CRACD: variants seen among roughly 807,000 people sequenced by gnomAD.
CRACD encodes capping protein inhibiting regulator of actin dynamics.
CRACD carries 56 observed loss-of-function variants against 106.8 expected under a neutral mutation model. The observed-to-expected ratio is 0.52, with a 90% CI of 0.42 to 0.66. CRACD has a LOEUF of 0.66. CRACD is among the 30% of genes least tolerant of loss of function. The pLI is 0.00. For synonymous variants in CRACD, 754 were observed against 670.8 expected, an observed-to-expected ratio of 1.12 and a Z score of -1.92; for missense variants, 1,730 against 1,623.2, an observed-to-expected ratio of 1.07 and a Z score of -1.13.
intron 2 of CRACD, among the ~76,000 whole-genome samples, chr4:56,234,648 A>G (rs933379129): frequency 6.6e-6 from 1 of 152,220 alleles, no homozygotes; most frequent in African/African-American, 2.4e-5. Flanking sequence ...ATGATTAAAG[A>G]GTCAACCAAG....
intron 5 of CRACD, chr4:56,308,751 A>T: frequency 1.0e-6 from 1 of 985,376 alleles, no homozygotes; most frequent in Non-Finnish European, 1.2e-6. Flanking sequence ...GGATGGGCCC[A>T]TCTCTCCCGG....
intron 2 of CRACD, among the ~76,000 whole-genome samples, chr4:56,207,965 A>G (rs1440873293): frequency 2.7e-5 from 4 of 150,384 alleles, no homozygotes; most frequent in African/African-American, 7.3e-5. Context: ...GGGACTGCAG[A>G]CACACCATGC....
intron 1 of CRACD, among the ~76,000 whole-genome samples, chr4:56,147,019 C>G (rs1735410816): frequency 6.6e-6 from 1 of 152,166 alleles, no homozygotes. Context: ...GTGGGCACGT[C>G]TTGTTCCAAT....
chr4:56,191,439 G>A (rs948204638), intron 2 of CRACD, among the ~76,000 whole-genome samples: 5 of 147,484 alleles, frequency 3.4e-5, no homozygotes, highest in Non-Finnish European at 7.4e-5. Context: ...CTCTCTCTCT[G>A]TGACCTCTGC....
At chr4:56,154,100 C>A (rs1735684204) in intron 1 of CRACD, among the ~76,000 whole-genome samples, 1 of 152,146 alleles carries the variant, frequency 6.6e-6, no homozygotes, top group South Asian at 2.1e-4. Flanking sequence ...CTTAATACCA[C>A]CAGAAGTGAA....
At chr4:56,156,815 G>A (rs1735776276) in intron 1 of CRACD, among the ~76,000 whole-genome samples, 1 of 152,126 alleles carries the variant, frequency 6.6e-6, no homozygotes, top group South Asian at 2.1e-4. Context: ...AACAGTAATA[G>A]CACCTTATCC....
rs149727665 is a variant in CRACD, at chr4:56,299,285, G to A, written c.120+936G>A. The stretch of plus-strand genomic sequence containing the variant: ...TAATAAATAATTATTCACTACATAT[G>A]ATTGAAATGACAGATAATACAGGAA... On this transcript the variant is annotated intron_variant, in intron 4 of 10. Transcript: ENST00000682029. 5.3e-4 allele frequency among the ~76,000 whole-genome samples: 81 copies of A among 152,200 alleles called. 1 individual carries two copies. Among genetic ancestry groups the A allele is most frequent in the African/African-American group, 1.8e-3 (76 of 41,540 alleles).
At chr4:56,060,211 T>C (rs1447538763) in intron 1 of CRACD, among the ~76,000 whole-genome samples, 1 of 151,590 alleles carries the variant, frequency 6.6e-6, no homozygotes, top group East Asian at 1.9e-4. Flanking sequence ...GCGTGTCCCC[T>C]GTTTCCTTCT....
chr4:56,295,280 G>T (rs577347333), intron 3 of CRACD, among the ~76,000 whole-genome samples: 1 of 152,126 alleles, frequency 6.6e-6, no homozygotes, highest in South Asian at 2.1e-4. Flanking sequence ...ATATCAAAAA[G>T]ATTCTGATAT....
intron 2 of CRACD, among the ~76,000 whole-genome samples, chr4:56,185,008 G>A (rs1471720701): frequency 6.6e-6 from 1 of 152,142 alleles, no homozygotes; most frequent in African/African-American, 2.4e-5. Flanking sequence ...CCAGGCTGGA[G>A]TGCAGTGGCG....
chr4:56,106,792 T>C (rs114908193), intron 1 of CRACD, among the ~76,000 whole-genome samples: 4,543 of 152,282 alleles, frequency 0.03, 75 homozygotes, highest in Admixed American at 0.058. Flanking sequence ...ATAATTGTCA[T>C]GGTGGAAAAG....
chr4:56,061,927 A>G (rs1226861573), intron 1 of CRACD, among the ~76,000 whole-genome samples: 1 of 152,188 alleles, frequency 6.6e-6, no homozygotes, highest in East Asian at 1.9e-4. Context: ...TACAGTTTTG[A>G]TTAGTTCCAC....
At chr4:56,223,123 A>G (rs1214318122) in intron 2 of CRACD, among the ~76,000 whole-genome samples, 3 of 151,438 alleles carry the variant, frequency 2.0e-5, no homozygotes, top group African/African-American at 7.3e-5. Flanking sequence ...AGATGTTGAC[A>G]GTAGGCAAGA....
intron 1 of CRACD, among the ~76,000 whole-genome samples, chr4:56,068,391 G>A (rs907688339): frequency 6.6e-6 from 1 of 152,194 alleles, no homozygotes; most frequent in African/African-American, 2.4e-5. Flanking sequence ...AGGAAACCAG[G>A]ATCAGACTCT....
rs147250854 is a variant in CRACD, at chr4:56,307,169, C to G, written c.121-366C>G. 6.4e-3 allele frequency among the ~76,000 whole-genome samples: 972 copies of G among 152,188 alleles called. 14 individuals carry two copies. The highest frequency in any genetic ancestry group is 0.022 in the African/African-American group (922 of 41,514). Reference sequence around the variant, plus strand: ...TAATTTTTTTTGCACTTTTAAGAGACTTTTTATGTAAATGAATTTATAGGT... The same window carrying G: ...TAATTTTTTTTGCACTTTTAAGAGAGTTTTTATGTAAATGAATTTATAGGT... On this transcript the variant is annotated intron_variant, in intron 4 of 10. Coordinates refer to ENST00000682029, the MANE Select transcript of CRACD (RefSeq NM_001393381.1).
intron 2 of CRACD, among the ~76,000 whole-genome samples, chr4:56,246,172 A>G (rs1740668891): frequency 6.6e-6 from 1 of 152,156 alleles, no homozygotes; most frequent in Non-Finnish European, 1.5e-5. Context: ...GATGTGAGGG[A>G]AGAGACACTT....
At chr4:56,082,776 CA>C (rs1180592878) in intron 1 of CRACD, among the ~76,000 whole-genome samples, 1 of 151,490 alleles carries the variant, frequency 6.6e-6, no homozygotes, top group African/African-American at 2.4e-5. Context: ...TTGGCAAAAA[CA>C]AAAAGCTTTT....
intron 1 of CRACD, among the ~76,000 whole-genome samples, chr4:56,068,940 A>G (rs936847367): frequency 6.6e-6 from 1 of 152,164 alleles, no homozygotes. Flanking sequence ...GGATGGAATC[A>G]TCCTGGATTT....
At chr4:56,135,127 C>CA (rs148442931) in intron 1 of CRACD, among the ~76,000 whole-genome samples, 3,286 of 152,120 alleles carry the variant, frequency 0.022, 122 homozygotes, top group African/African-American at 0.075. Context: ...ACTAAAAATA[C>CA]AAACAAAAAT....
Sources: allele counts gnomAD v4.1 joint callset (sites outside exome capture counted in the v4.1 genomes callset), GRCh38; gene constraint gnomAD v4.1.1; transcripts MANE v1.5; gene names NCBI Gene and HGNC (gene_info 2026-07-23, HGNC 2026-07-21).